The following EEFSEC variants were observed in gnomAD, a reference collection of about 807,000 sequenced individuals.
EEFSEC encodes the protein eukaryotic elongation factor, selenocysteine-tRNA specific.
EEFSEC carries 43 observed loss-of-function variants against 42.1 expected under a neutral mutation model. That is an observed-to-expected ratio of 1.02 (90% CI 0.80 to 1.32). The LOEUF is 1.32. Among genes scored for constraint, EEFSEC ranks in the 40% most tolerant of loss-of-function variants. EEFSEC has a pLI of 0.00. For synonymous variants in EEFSEC, 354 were observed against 339.1 expected (o/e 1.04, Z -0.48); for missense variants, 745 against 803.6 (o/e 0.93, Z 0.88).
chr3:128,351,532 G>A (rs1033792377), intron 5 of EEFSEC, among the ~76,000 whole-genome samples: 1 of 152,198 alleles, frequency 6.6e-6, no homozygotes, highest in African/African-American at 2.4e-5. Flanking sequence ...ACCTGGAATC[G>A]GCACAGGGCT....
chr3:128,274,371 G>GCA (rs2066445194), intron 4 of EEFSEC, among the ~76,000 whole-genome samples: 1 of 152,240 alleles, frequency 6.6e-6, no homozygotes, highest in African/African-American at 2.4e-5. Flanking sequence ...GCATGTGGGC[G>GCA]CAGTCACCAC....
chr3:128,352,446 C>G (rs896680144), intron 5 of EEFSEC, among the ~76,000 whole-genome samples: 12 of 152,216 alleles, frequency 7.9e-5, no homozygotes, highest in African/African-American at 2.9e-4. Context: ...CTCCCCTCCC[C>G]GCATCCAGCT....
At chr3:128,156,143 G>T (rs1238974928) in intron 1 of EEFSEC, among the ~76,000 whole-genome samples, 2 of 152,196 alleles carry the variant, frequency 1.3e-5, no homozygotes, top group African/African-American at 4.8e-5. Flanking sequence ...ACAAAACTGG[G>T]CTTGAAGCCT....
At chr3:128,296,758 G>A (rs2066710435) in intron 4 of EEFSEC, among the ~76,000 whole-genome samples, 1 of 152,204 alleles carries the variant, frequency 6.6e-6, no homozygotes, top group South Asian at 2.1e-4. Context: ...GTGCCCCTGA[G>A]ATGGCCTGAA....
rs2811544 is a variant in EEFSEC at position 128,264,652 on chromosome 3, T to C, written c.657T>C (p.Asp219=). 1,412,823 of 1,613,726 alleles carry C rather than the reference T, an allele frequency of 0.88. 620,292 individuals carry two copies. Among genetic ancestry groups the C allele is most frequent in the East Asian group, 1 (44,750 of 44,868 alleles). Residue 219 remains aspartate (D), a synonymous_variant, in exon 4 of 7, where the codon GAT becomes GAC. Coordinates refer to ENST00000254730, the MANE Select transcript of EEFSEC (RefSeq NM_021937.5). ...LTSQISIPTR[D]PSGPFLMSVD... Reference sequence around the variant, plus strand: ...CCCAGATTTCCATCCCAACGAGAGATCCCTCGGGACCGTTCCTCATGTCTG... The same window carrying C: ...CCCAGATTTCCATCCCAACGAGAGACCCCTCGGGACCGTTCCTCATGTCTG...
chr3:128,419,809 C>A, the EEFSEC span, among the ~76,000 whole-genome samples: 15 of 152,278 alleles, frequency 9.9e-5, no homozygotes, highest in Admixed American at 2.6e-4. Context: ...CCCGACACAT[C>A]TCTGTGGCTG....
At chr3:128,409,492 A>G (rs1279278067), downstream of EEFSEC, among the ~76,000 whole-genome samples, 1 of 152,102 alleles carries the variant, frequency 6.6e-6, no homozygotes, top group Non-Finnish European at 1.5e-5. Context: ...TGGCCCAGCC[A>G]CCCTTCGTCA....
At chr3:128,374,192 A>G (rs2067684741) in intron 6 of EEFSEC, among the ~76,000 whole-genome samples, 2 of 152,348 alleles carry the variant, frequency 1.3e-5, no homozygotes, top group African/African-American at 2.4e-5. Context: ...CAGTGCTGTC[A>G]TCGACTGTGT....
At chr3:128,396,922 A>G (rs976744072) in intron 6 of EEFSEC, among the ~76,000 whole-genome samples, 2 of 152,200 alleles carry the variant, frequency 1.3e-5, no homozygotes, top group Non-Finnish European at 2.9e-5. Context: ...TTTCTGTGTC[A>G]GGCCCCCTCT....
At chr3:128,227,219 C>T (rs2065916832) in intron 1 of EEFSEC, among the ~76,000 whole-genome samples, 2 of 152,236 alleles carry the variant, frequency 1.3e-5, no homozygotes, top group Non-Finnish European at 2.9e-5. Context: ...TCAATGGCCT[C>T]ACTTGGCAGC....
chr3:128,320,222 C>T (rs538900010), intron 4 of EEFSEC, among the ~76,000 whole-genome samples: 7 of 152,236 alleles, frequency 4.6e-5, no homozygotes. Flanking sequence ...GCTTCAAGGG[C>T]ACTGGGGCAG....
chr3:128,186,294 T>G (rs1211774006), intron 1 of EEFSEC, among the ~76,000 whole-genome samples: 3 of 152,244 alleles, frequency 2.0e-5, no homozygotes, highest in Admixed American at 6.5e-5. Context: ...TATTGTTGAC[T>G]CATAAGAGTT....
At chr3:128,375,348 A>G (rs1161762837) in intron 6 of EEFSEC, among the ~76,000 whole-genome samples, 2 of 152,152 alleles carry the variant, frequency 1.3e-5, no homozygotes, top group Admixed American at 6.5e-5. Context: ...TGAGCACTTC[A>G]CTTCTTGTGG....
At chr3:128,268,423 T>C (rs1335440706) in intron 4 of EEFSEC, among the ~76,000 whole-genome samples, 1 of 152,224 alleles carries the variant, frequency 6.6e-6, no homozygotes, top group Admixed American at 6.5e-5. Flanking sequence ...AAGAGGTGAA[T>C]GTATTTTGCA....
chr3:128,262,292 C>G (rs1269590621), intron 3 of EEFSEC, 68 bp downstream of exon 3: 13 of 1,405,616 alleles, frequency 9.2e-6, no homozygotes, highest in Non-Finnish European at 1.2e-5. Flanking sequence ...CTTTGTGTCC[C>G]TCTCTCCCCT....
At chr3:128,269,752 A>G (rs1330711224) in intron 4 of EEFSEC, among the ~76,000 whole-genome samples, 2 of 152,200 alleles carry the variant, frequency 1.3e-5, no homozygotes, top group African/African-American at 4.8e-5. Flanking sequence ...AAAAAATTCC[A>G]TTTAGTCCCT....
At chr3:128,202,305 T>C (rs965827715) in intron 1 of EEFSEC, among the ~76,000 whole-genome samples, 3 of 152,216 alleles carry the variant, frequency 2.0e-5, no homozygotes, top group African/African-American at 7.2e-5. Flanking sequence ...TTAACAATAT[T>C]GAGTTTTCCA....
chr3:128,235,373 G>A (rs917285155), intron 1 of EEFSEC, among the ~76,000 whole-genome samples: 2 of 152,074 alleles, frequency 1.3e-5, no homozygotes, highest in African/African-American at 4.8e-5. Context: ...CCAGCCTGAA[G>A]CTTTACTTTT....
chr3:128,175,361 TAGTG>T (rs1243030151), intron 1 of EEFSEC, among the ~76,000 whole-genome samples: 1 of 152,228 alleles, frequency 6.6e-6, no homozygotes, highest in Non-Finnish European at 1.5e-5. Flanking sequence ...TAGTTTTGGC[TAGTG>T]AGGAATGCTG....
Sources: gnomAD v4.1 joint callset for allele counts (sites outside exome capture counted in the v4.1 genomes callset) on GRCh38, gnomAD v4.1.1 for gene constraint, MANE v1.5 for transcripts, NCBI Gene and HGNC (gene_info 2026-07-23, HGNC 2026-07-21) for gene names.